Variants in INSR observed in about 807,000 individuals in gnomAD.
The protein encoded by INSR is IR.
INSR carries 67 observed loss-of-function variants against 142.6 expected under a neutral mutation model. The observed-to-expected ratio is 0.47, with a 90% CI of 0.39 to 0.58. INSR has a LOEUF of 0.58. INSR is among the 20% of genes least tolerant of loss of function. The pLI is 0.00. For missense variants in INSR, 1,248 were observed against 1,833.2 expected (o/e 0.68, Z 5.83); for synonymous variants, 756 against 743.1 (o/e 1.02, Z -0.28).
chr19:7,197,863 AGT>A lies in INSR; in HGVS notation c.653-13228_653-13227del, dbSNP rs1251227048. Among the ~76,000 whole-genome samples, 116 of 110,372 alleles carry A rather than the reference AGT, an allele frequency of 1.1e-3. 8 individuals carry two copies. Among genetic ancestry groups the A allele is most frequent in the African/African-American group, 3.5e-3 (96 of 27,794 alleles). 72.4% of individuals were successfully genotyped at this position (110,372 alleles called of 152,430 possible). Reference sequence around the variant, plus strand: ...GAGAGAGAGAGAGAGAACGAGAGAGAGTGTGTGCGCGTGTGTGTCTGTGCAGC... The same window carrying A: ...GAGAGAGAGAGAGAGAACGAGAGAGAGTGTGCGCGTGTGTGTCTGTGCAGC... On this transcript the variant is annotated intron_variant, in intron 2 of 21. Coordinates refer to ENST00000302850, the MANE Select transcript of INSR (RefSeq NM_000208.4).
At chr19:7,126,792 A>T in intron 15 of INSR, 141 bp from the exon 16 acceptor site, 1 of 777,346 alleles carries the variant, frequency 1.3e-6, no homozygotes, top group Non-Finnish European at 2.2e-6. Context: ...TAGGGCAGGG[A>T]TGGGGGACCT....
chr19:7,270,339 T>TCTCTCTCACA (rs1414011806), intron 1 of INSR, among the ~76,000 whole-genome samples: 5 of 120,248 alleles, frequency 4.2e-5, no homozygotes, highest in Non-Finnish European at 8.5e-5. Flanking sequence ...TCTCTCTCTC[T>TCTCTCTCACA]CACACACACA....
Position 7,119,625 on chromosome 19 carries a change from GAC to G in INSR, c.3660-44_3660-43del, listed in dbSNP as rs367614576. Reference sequence around the variant, plus strand: ...ATAGTAGTAACAAAGAAGCCATTTAGACACACACACACACGCGCGCGCGCAAA... The same window carrying G: ...ATAGTAGTAACAAAGAAGCCATTTAGACACACACACACGCGCGCGCGCAAA... On this transcript the variant is annotated intron_variant, in intron 20 of 21. Coordinates refer to ENST00000302850, the MANE Select transcript of INSR (RefSeq NM_000208.4). This position sits in a 1 kb window ranked among gnomAD's most constrained non-coding sequence, Gnocchi z 5.2. The G allele has an allele frequency of 3.1e-3, 4,920 of 1,587,232 alleles. 18 individuals carry two copies. The highest frequency in any genetic ancestry group is 7.4e-3 in the African/African-American group (554 of 74,456).
At chr19:7,155,909 G>A (rs537543678) in intron 9 of INSR, among the ~76,000 whole-genome samples, 12 of 151,352 alleles carry the variant, frequency 7.9e-5, no homozygotes, top group Non-Finnish European at 1.6e-4. Context: ...GTGAAATCAT[G>A]TTGAAGAAGA....
chr19:7,271,247 G>C (rs1967918116), intron 1 of INSR, among the ~76,000 whole-genome samples: 1 of 152,144 alleles, frequency 6.6e-6, no homozygotes, highest in African/African-American at 2.4e-5. Context: ...TGTAATCCCA[G>C]TTCTTTGGGA....
chr19:7,147,886 G>A (rs1973222486), intron 11 of INSR, among the ~76,000 whole-genome samples: 1 of 151,854 alleles, frequency 6.6e-6, no homozygotes. Flanking sequence ...TAACCAAAAA[G>A]ACCATGAAGT....
intron 2 of INSR, among the ~76,000 whole-genome samples, chr19:7,260,451 G>C (rs1288861946): frequency 1.3e-5 from 2 of 152,166 alleles, no homozygotes; most frequent in African/African-American, 4.8e-5. Context: ...GCCCAGAGCT[G>C]AGAATTTCCA....
Position 7,122,585 on chromosome 19 carries a change from A to C in INSR, c.3529+29T>G, listed in dbSNP as rs1373511740. 1.9e-6 allele frequency: 3 copies of C among 1,613,552 alleles called. No homozygotes were observed. In the East Asian group the frequency reaches 6.7e-5, roughly 36 times the overall value. On this transcript the variant is annotated intron_variant, in intron 19 of 21. Coordinates refer to ENST00000302850, the MANE Select transcript of INSR (RefSeq NM_000208.4). The stretch of plus-strand genomic sequence containing the variant: ...GAAATCAAACCTGGCCTGGGTCGTT[A>C]TGTTTTCAAAGCAGAAAGCCAGACG...
intron 2 of INSR, among the ~76,000 whole-genome samples, chr19:7,263,606 G>A (rs1457200525): frequency 3.9e-5 from 6 of 152,122 alleles, no homozygotes; most frequent in African/African-American, 1.4e-4. Context: ...TTGTTTTTGA[G>A]ATAGAGTCTC....
intron 2 of INSR, among the ~76,000 whole-genome samples, chr19:7,229,082 G>C (rs1258885422): frequency 6.6e-6 from 1 of 151,310 alleles, no homozygotes; most frequent in Non-Finnish European, 1.5e-5. Context: ...TGGATGTATG[G>C]ATGGATGGGT....
chr19:7,195,999 C>G lies in INSR; in HGVS notation c.653-11362G>C, dbSNP rs944322601. ...TGCCCAGGCTGGAGTGCAATGGCAC[C>G]ATCTCGGCTCACTGCAACCTCTGCC... is the stretch of plus-strand genomic sequence containing the variant. On this transcript the variant is annotated intron_variant, in intron 2 of 21. Coordinates refer to ENST00000302850, the MANE Select transcript of INSR (RefSeq NM_000208.4). Among the ~76,000 whole-genome samples, 5 of 150,832 alleles carry G rather than the reference C, an allele frequency of 3.3e-5. No individual in the cohort carries two copies. The South Asian group carries it at 1.0e-3, about 31-fold the overall frequency.
chr19:7,221,918 G>A (rs2145101322), intron 2 of INSR, among the ~76,000 whole-genome samples: 1 of 152,020 alleles, frequency 6.6e-6, no homozygotes, highest in East Asian at 1.9e-4. Context: ...TTATACAGCA[G>A]GCTTGGGGTT....
intron 2 of INSR, among the ~76,000 whole-genome samples, chr19:7,263,780 C>T (rs950342512): frequency 8.5e-5 from 13 of 152,122 alleles, no homozygotes; most frequent in Admixed American, 7.9e-4. Flanking sequence ...TGCATGTAAT[C>T]CCAGCACTTT....
chr19:7,290,039 A>T (rs1203125035), intron 1 of INSR, among the ~76,000 whole-genome samples: 2 of 152,182 alleles, frequency 1.3e-5, no homozygotes, highest in Non-Finnish European at 1.5e-5. Flanking sequence ...GACTCAGCCC[A>T]CACCCTGTGG....
chr19:7,144,179 A>T (rs1205877198), intron 11 of INSR, among the ~76,000 whole-genome samples: 1 of 152,202 alleles, frequency 6.6e-6, no homozygotes, highest in Non-Finnish European at 1.5e-5. Flanking sequence ...CTGTTTTATA[A>T]GTAAACTTTG....
intron 5 of INSR, among the ~76,000 whole-genome samples, chr19:7,171,531 TAG>T (rs896307601): frequency 6.6e-6 from 1 of 152,092 alleles, no homozygotes; most frequent in African/African-American, 2.4e-5. Flanking sequence ...GTTTTGCTAA[TAG>T]AGTTTCTAGG....
intron 1 of INSR, among the ~76,000 whole-genome samples, chr19:7,275,135 C>T (rs1024800426): frequency 2.0e-5 from 3 of 151,934 alleles, no homozygotes; most frequent in African/African-American, 7.2e-5. Context: ...ACTACCACAT[C>T]CAGATAATTT....
rs1476412469 is a variant in INSR, at chr19:7,163,335, C to T, written c.1862-136G>A. On this transcript the variant is annotated intron_variant, in intron 8 of 21. Coordinates refer to ENST00000302850, the MANE Select transcript of INSR (RefSeq NM_000208.4). ...CAGCATTTTGGGCGGCCAAGGCAGG[C>T]GGATCACGAGGTCAGGAGATCGAGA... 2.9e-5 allele frequency: 24 copies of T among 815,578 alleles called. No individual in the cohort carries two copies. In the East Asian group the frequency reaches 4.6e-4, roughly 15 times the overall value. 50.5% of individuals were successfully genotyped at this position (815,578 alleles called of 1,614,324 possible).
At chr19:7,154,802 T>A (rs540570472) in intron 9 of INSR, among the ~76,000 whole-genome samples, 49 of 151,998 alleles carry the variant, frequency 3.2e-4, no homozygotes, top group Non-Finnish European at 6.0e-4. Context: ...TGGGTGCCTG[T>A]AATCCCAGCT....
Sources: allele counts gnomAD v4.1 joint callset (sites outside exome capture counted in the v4.1 genomes callset), GRCh38; gene constraint gnomAD v4.1.1; non-coding constraint Gnocchi (gnomAD v3.1); transcripts MANE v1.5; gene names NCBI Gene and HGNC (gene_info 2026-07-23, HGNC 2026-07-21).